The following AFP variants were observed in gnomAD, a reference collection of about 807,000 sequenced individuals.
The protein encoded by AFP is alpha fetoprotein, also known as alpha-fetoprotein.
AFP carries 64 observed loss-of-function variants against 78.9 expected under a neutral mutation model. The observed-to-expected ratio is 0.81, with a 90% CI of 0.66 to 1.00. The LOEUF is 1.00. Among genes scored for constraint, AFP ranks in the 50% least tolerant of loss-of-function variants. The pLI, the probability that AFP is intolerant of heterozygous loss-of-function variation, is 0.00. For missense variants in AFP, 689 were observed against 703.8 expected (o/e 0.98, Z 0.24); for synonymous variants, 254 against 243.8 (o/e 1.04, Z -0.39).
intron 6 of AFP, among the ~76,000 whole-genome samples, chr4:73,444,235 G>T (rs554987073): frequency 2.5e-4 from 38 of 152,172 alleles, no homozygotes; most frequent in Non-Finnish European, 4.6e-4. Flanking sequence ...GAAATTGAAA[G>T]ATTAATTTAT....
chr4:73,436,954 A>G (rs1719527133), intron 1 of AFP, among the ~76,000 whole-genome samples: 1 of 151,988 alleles, frequency 6.6e-6, no homozygotes, highest in Non-Finnish European at 1.5e-5. Context: ...TAGGTCTACT[A>G]TAAATTATGC....
At position 73,452,544 on chromosome 4, in the gene AFP, T is replaced by C. The variant is rs1720031595; in HGVS notation, c.1572T>C (p.Pro524=). 1 of 1,614,072 alleles carries C rather than the reference T, an allele frequency of 6.2e-7. No individual in the cohort carries two copies. Among genetic ancestry groups the C allele is most frequent in the Admixed American group, 1.7e-5 (1 of 60,006 alleles). The change falls in exon 12 of 15, where the codon CCT becomes CCC. Residue 524 remains proline (P), a synonymous_variant. Coordinates refer to ENST00000395792, the MANE Select transcript of AFP (RefSeq NM_001134.3). ...SLVVDETYVP[P]AFSDDKFIFH... is the part of the protein sequence containing the mutation. The stretch of plus-strand genomic sequence containing the variant: ...TGGTGGATGAAACATATGTCCCTCC[T>C]GCATTCTCTGATGACAAGTTCATTT...
At chr4:73,447,844 A>T (rs192458119) in intron 8 of AFP, among the ~76,000 whole-genome samples, 168 bp downstream of exon 8, 69 of 152,278 alleles carry the variant, frequency 4.5e-4, no homozygotes, top group African/African-American at 1.6e-3. Context: ...TAACCAGGGA[A>T]TAAGTAATGG....
At chr4:73,453,221 T>C (rs76504571) in intron 12 of AFP, among the ~76,000 whole-genome samples, 1 of 152,252 alleles carries the variant, frequency 6.6e-6, no homozygotes, top group Non-Finnish European at 1.5e-5. Flanking sequence ...TTCTCTTTTT[T>C]CCTCTATCAC....
At chr4:73,453,658 TG>T in intron 12 of AFP, 106 bp from the exon 13 acceptor site, 1 of 1,320,430 alleles carries the variant, frequency 7.6e-7, no homozygotes, top group Non-Finnish European at 1.1e-6. Flanking sequence ...GGTGATAGGT[TG>T]ATGGAGTAAG....
intron 2 of AFP, 127 bp from the exon 3 acceptor site, chr4:73,438,047 A>C (rs1719558789): frequency 7.4e-7 from 1 of 1,342,992 alleles, no homozygotes; most frequent in East Asian, 2.4e-5. Flanking sequence ...ATAATTTTAC[A>C]AATCAAATGT....
At chr4:73,449,725 A>G (rs1261091874) in intron 9 of AFP, among the ~76,000 whole-genome samples, 1 of 152,236 alleles carries the variant, frequency 6.6e-6, no homozygotes, top group Non-Finnish European at 1.5e-5. Flanking sequence ...CCTTTGATCC[A>G]CAAATAAAGG....
chr4:73,442,320 G>T lies in AFP; in HGVS notation c.507G>T (p.Arg169Ser), dbSNP rs1403651378. The T allele has an allele frequency of 8.7e-6, 14 of 1,613,812 alleles. No homozygotes were observed. Among genetic ancestry groups the T allele is most frequent in the Non-Finnish European group, 1.1e-5 (13 of 1,179,840 alleles). The change falls in exon 5 of 15, where the codon AGG becomes AGT. Residue 169 changes from arginine (R) to serine (S), a missense_variant. Coordinates refer to ENST00000395792, the MANE Select transcript of AFP (RefSeq NM_001134.3). Reference protein sequence around the residue: ...MNKFIYEIARRHPFLYAPTIL... With the variant: ...MNKFIYEIARSHPFLYAPTIL... ...GATTCATTTATGAGATAGCAAGAAG[G>T]CATCCCTTCCTGTATGCACCTACAA...
In AFP at chr4:73,447,543, G is replaced by C; in HGVS notation, c.925G>C (p.Glu309Gln). The C allele has an allele frequency of 6.2e-7, 1 of 1,612,020 alleles. No homozygotes were observed. Among genetic ancestry groups the C allele is most frequent in the Non-Finnish European group, 8.5e-7 (1 of 1,178,854 alleles). The change falls in exon 8 of 15, where the codon GAA becomes CAA. Residue 309 changes from glutamate to glutamine, a missense_variant. By Grantham distance (29) the Glu-to-Gln change is conservative. Coordinates refer to ENST00000395792, the MANE Select transcript of AFP (RefSeq NM_001134.3). ...ITECCKLTTL[E>Q]RGQCIIHAEN... ...AGAATGCTGCAAACTGACCACGCTG[G>C]AACGTGGTCAATGTATAATTCATGC...
intron 10 of AFP, 135 bp downstream of exon 10, chr4:73,450,268 T>C: frequency 1.3e-6 from 1 of 781,694 alleles, no homozygotes; most frequent in Non-Finnish European, 2.1e-6. Context: ...AAGTTCCCCA[T>C]ACTGTGCAAA....
chr4:73,440,471 T>C (rs1719625517), intron 3 of AFP, 131 bp from the exon 4 acceptor site: 1 of 752,304 alleles, frequency 1.3e-6, no homozygotes, highest in South Asian at 1.7e-5. Context: ...ACAAAATACA[T>C]TAGAATTTGT....
At chr4:73,451,373 T>C (rs1045414594) in intron 11 of AFP, among the ~76,000 whole-genome samples, 1 of 152,220 alleles carries the variant, frequency 6.6e-6, no homozygotes, top group Non-Finnish European at 1.5e-5. Context: ...ATTAAAAATA[T>C]TTTTCCTATA....
chr4:73,455,463 T>C (rs1361684352), intron 14 of AFP, 168 bp from the exon 15 acceptor site: 4 of 654,534 alleles, frequency 6.1e-6, no homozygotes, highest in Non-Finnish European at 1.1e-5. Context: ...GTTAAATTAG[T>C]GGCTCAACTA....
intron 6 of AFP, among the ~76,000 whole-genome samples, chr4:73,444,426 A>G (rs1437523599): frequency 6.6e-6 from 1 of 152,088 alleles, no homozygotes; most frequent in Non-Finnish European, 1.5e-5. Flanking sequence ...TACAAAGACA[A>G]CTCTTAAAAT....
At position 73,455,654 on chromosome 4, in the gene AFP, T is replaced by C. The variant is rs1054956847; in HGVS notation, c.*34T>C. 33 of 696,572 alleles carry C rather than the reference T, an allele frequency of 4.7e-5. No homozygotes were observed. The highest frequency in any genetic ancestry group is 8.3e-5 in the Non-Finnish European group (32 of 383,330). 43.1% of individuals were successfully genotyped at this position (696,572 alleles called of 1,614,324 possible). On this transcript the variant is annotated 3_prime_UTR_variant, in exon 15 of 15. Coordinates refer to ENST00000395792, the MANE Select transcript of AFP (RefSeq NM_001134.3). ...AGGGGAAGAGAAGACAAAACGAGTC[T>C]TTCATTCGGTGTGAACTTTTCTCTT... is the stretch of plus-strand genomic sequence containing the variant.
Position 73,447,492 on chromosome 4 carries a change from C to A in AFP, c.874C>A (p.Gln292Lys), listed in dbSNP as rs746485734. The change falls in exon 8 of 15, where the codon CAA becomes AAA. Residue 292 changes from glutamine (Q) to lysine (K), a missense_variant. By Grantham distance (53) the Gln-to-Lys change is moderately conservative (BLOSUM62 1). Transcript: ENST00000395792. The part of the protein sequence containing the change: ...EKIMSYICSQ[Q>K]DTLSNKITEC... ...AATCATGTCCTACATATGTTCTCAA[C>A]AAGACACTCTGTCAAACAAAATAAC... The A allele has an allele frequency of 1.9e-6, 3 of 1,611,628 alleles. No individual in the cohort carries two copies. The highest frequency in any genetic ancestry group is 2.5e-6 in the Non-Finnish European group (3 of 1,178,960).
rs187700824 is a variant in AFP, at chr4:73,452,640, T to G, written c.1652+16T>G. ...TGAAGCAAGAGTAAGAAACTGTTACTTGCTAGCATGGAAAAGAATGACAAC... is the reference window on the plus strand; with the variant it reads ...TGAAGCAAGAGTAAGAAACTGTTACGTGCTAGCATGGAAAAGAATGACAAC... On this transcript the variant is annotated intron_variant, in intron 12 of 14. Coordinates refer to ENST00000395792, the MANE Select transcript of AFP (RefSeq NM_001134.3). 147 of 1,588,994 alleles carry G rather than the reference T, an allele frequency of 9.3e-5. No individual in the cohort carries two copies. The African/African-American group carries it at 1.7e-3, about 19-fold the overall frequency.
At chr4:73,447,427 T>A (rs750566810) in intron 7 of AFP, 35 bp from the exon 8 acceptor site, 1 of 1,489,976 alleles carries the variant, frequency 6.7e-7, no homozygotes, top group South Asian at 1.2e-5. Flanking sequence ...AAAGAATAAA[T>A]CTTTAAAACT....
Position 73,450,095 on chromosome 4 carries a change from C to T in AFP, c.1251C>T (p.Gly417=), listed in dbSNP as rs1719944594. ...AAGCATTGGCAAAGCGAAGCTGCGG[C>T]CTCTTCCAGAAACTAGGAGAATATT... ...ESQALAKRSC[G]LFQKLGEYYL... The change falls in exon 10 of 15, where the codon GGC becomes GGT. Residue 417 remains glycine (G), a synonymous_variant. Transcript: ENST00000395792. 1 of 1,613,526 alleles carries T rather than the reference C, an allele frequency of 6.2e-7. No individual in the cohort carries two copies. Among genetic ancestry groups the T allele is most frequent in the African/African-American group, 1.3e-5 (1 of 74,900 alleles).
Sources: gnomAD v4.1 joint callset for allele counts (sites outside exome capture counted in the v4.1 genomes callset) on GRCh38, gnomAD v4.1.1 for gene constraint, MANE v1.5 for transcripts, NCBI Gene and HGNC (gene_info 2026-07-23, HGNC 2026-07-21) for gene names.